Variants in POF1B observed in about 807,000 individuals in gnomAD.
POF1B encodes POF1B actin binding protein, also known as protein POF1B.
POF1B carries 53 observed loss-of-function variants against 55.3 expected under a neutral mutation model. The ratio of observed to expected loss-of-function variants is 0.96; its 90% CI spans 0.77 to 1.20. The LOEUF is 1.20. Ranked by LOEUF, POF1B falls within the 50% of genes most tolerant of loss-of-function variation. POF1B has a pLI of 0.00. For synonymous variants in POF1B, 188 were observed against 148.3 expected (o/e 1.27, Z -1.95); for missense variants, 478 against 420.5 (o/e 1.14, Z -1.20).
At chrX:85,327,162 G>C (rs1175443176) in intron 7 of POF1B, among the ~76,000 whole-genome samples, 1 of 109,870 alleles carries the variant, frequency 9.1e-6, no homozygotes, top group Non-Finnish European at 1.9e-5. Context: ...GGGAGTTGTG[G>C]AGTCTCCTGC....
intron 7 of POF1B, among the ~76,000 whole-genome samples, chrX:85,324,573 C>A (rs1932876658): frequency 9.0e-6 from 1 of 111,236 alleles, no homozygotes; most frequent in Non-Finnish European, 1.9e-5. Context: ...CGATTTTTCT[C>A]CATCTCTTTA....
chrX:85,326,756 C>T (rs1196692500), intron 7 of POF1B, among the ~76,000 whole-genome samples: 2 of 109,155 alleles, frequency 1.8e-5, no homozygotes. Context: ...GGGGAGGACA[C>T]GGGCAGACTG....
chrX:85,306,124 A>T (rs1488615728), intron 12 of POF1B, 57 bp downstream of exon 12: 1 of 1,066,171 alleles, frequency 9.4e-7, no homozygotes, highest in African/African-American at 1.9e-5. Context: ...TCTAAATGCT[A>T]GGATTACAAT....
At chrX:85,321,987 A>G in intron 7 of POF1B, among the ~76,000 whole-genome samples, 1 of 111,030 alleles carries the variant, frequency 9.0e-6, no homozygotes, top group African/African-American at 3.3e-5. Flanking sequence ...ATGGGTAGGA[A>G]GAATCAATAT....
chrX:85,321,051 C>G (rs1175001409), intron 7 of POF1B, among the ~76,000 whole-genome samples: 10 of 111,377 alleles, frequency 9.0e-5, no homozygotes, highest in Non-Finnish European at 1.9e-4. Flanking sequence ...GAAGCTATTC[C>G]AATCAATAGA....
chrX:85,317,425 A>G (rs940991846), intron 7 of POF1B, among the ~76,000 whole-genome samples: 2 of 109,700 alleles, frequency 1.8e-5, no homozygotes, highest in African/African-American at 3.3e-5. Context: ...CTCCACAACC[A>G]TACCAGAATC....
At chrX:85,292,708 C>A (rs1391662350) in intron 15 of POF1B, among the ~76,000 whole-genome samples, 2 of 110,719 alleles carry the variant, frequency 1.8e-5, no homozygotes, top group East Asian at 5.7e-4. Context: ...CTGGACACAG[C>A]AAAGGAAACT....
At chrX:85,293,971 CA>C (rs200802802) in intron 15 of POF1B, among the ~76,000 whole-genome samples, 12,849 of 78,390 alleles carry the variant, frequency 0.16, 656 homozygotes, top group South Asian at 0.2. Context: ...AAGACTCTGT[CA>C]AAAAAAAAAA....
At chrX:85,344,785 A>C (rs938251386) in intron 6 of POF1B, among the ~76,000 whole-genome samples, 1 of 111,236 alleles carries the variant, frequency 9.0e-6, no homozygotes. Context: ...AAATTAGAAA[A>C]TTTAAAAAAA....
At chrX:85,366,538 T>C (rs987351866) in intron 3 of POF1B, among the ~76,000 whole-genome samples, 2 of 111,731 alleles carry the variant, frequency 1.8e-5, no homozygotes, top group Non-Finnish European at 3.8e-5. Flanking sequence ...TAAACCCAAT[T>C]TTAAAACCCT....
intron 5 of POF1B, among the ~76,000 whole-genome samples, chrX:85,350,134 T>G (rs772634921): frequency 1.0e-4 from 11 of 110,188 alleles, no homozygotes; most frequent in African/African-American, 3.6e-4. Context: ...CTGCACCCAC[T>G]AACTCGTCAT....
chrX:85,297,392 T>C (rs946667414), intron 15 of POF1B, among the ~76,000 whole-genome samples: 3 of 112,100 alleles, frequency 2.7e-5, no homozygotes, highest in Non-Finnish European at 3.8e-5. Context: ...TATGAGGCTT[T>C]TTGTTTTGAT....
chrX:85,323,146 G>A (rs746718780), intron 7 of POF1B, among the ~76,000 whole-genome samples: 8 of 111,442 alleles, frequency 7.2e-5, no homozygotes, highest in South Asian at 3.8e-4. Context: ...ACATGCACAC[G>A]TACATTTATT....
At chrX:85,362,878 GCTTTTTTTGGTTGTTA>G (rs1933649557) in intron 3 of POF1B, among the ~76,000 whole-genome samples, 1 of 110,767 alleles carries the variant, frequency 9.0e-6, no homozygotes, top group Admixed American at 9.6e-5. Flanking sequence ...CTGGTCCTGG[GCTTTTTTTGGTTGTTA>G]GGCTATTTAT....
chrX:85,355,290 C>CTTATACAAAATTAA (rs1302357369), intron 4 of POF1B, among the ~76,000 whole-genome samples: 2 of 111,658 alleles, frequency 1.8e-5, no homozygotes, highest in Non-Finnish European at 3.8e-5. Context: ...TTCCTTACAC[C>CTTATACAAAATTAA]TTATACAAAA....
intron 7 of POF1B, among the ~76,000 whole-genome samples, chrX:85,323,738 A>T (rs1398892877): frequency 9.1e-6 from 1 of 109,973 alleles, no homozygotes; most frequent in African/African-American, 3.3e-5. Flanking sequence ...GAATTTGGTT[A>T]TTTCTTGTCT....
intron 2 of POF1B, among the ~76,000 whole-genome samples, chrX:85,372,124 C>T (rs1335289844): frequency 9.1e-6 from 1 of 110,454 alleles, no homozygotes; most frequent in Non-Finnish European, 1.9e-5. Flanking sequence ...GTGGGCGGAT[C>T]ACGAGGTCAG....
intron 3 of POF1B, 64 bp from the exon 4 acceptor site, chrX:85,359,694 A>T (rs920833163): frequency 1.2e-5 from 9 of 736,213 alleles, no homozygotes; most frequent in South Asian, 2.5e-5. Flanking sequence ...AGCTATCAAT[A>T]ATAATAGGGA....
chrX:85,366,111 C>T (rs1343288973), intron 3 of POF1B, among the ~76,000 whole-genome samples: 1 of 111,291 alleles, frequency 9.0e-6, no homozygotes, highest in Non-Finnish European at 1.9e-5. Context: ...AGTGTTCAGC[C>T]AAACTAGGAA....
Sources: gnomAD v4.1 joint callset for allele counts (sites outside exome capture counted in the v4.1 genomes callset) on GRCh38, gnomAD v4.1.1 for gene constraint, MANE v1.5 for transcripts, NCBI Gene and HGNC (gene_info 2026-07-23, HGNC 2026-07-21) for gene names.